CDIN1: variants seen among roughly 807,000 people sequenced by gnomAD.
CDIN1 encodes CDAN1 interacting nuclease 1, also known as CDAN1-interacting nuclease 1.
CDIN1 carries 33 observed loss-of-function variants against 45.3 expected under a neutral mutation model. The observed-to-expected ratio is 0.73, with a 90% CI of 0.55 to 0.97. The LOEUF is 0.97. Ranked by LOEUF, CDIN1 falls within the 50% of genes least tolerant of loss-of-function variation. The pLI, the probability that CDIN1 is intolerant of heterozygous loss-of-function variation, is 0.00. For synonymous variants in CDIN1, 118 were observed against 124.4 expected (o/e 0.95, Z 0.34); for missense variants, 303 against 339.4 (o/e 0.89, Z 0.84).
chr15:36,740,889 CAAA>C (rs201052730), intron 10 of CDIN1, among the ~76,000 whole-genome samples: 2 of 126,236 alleles, frequency 1.6e-5, no homozygotes, highest in East Asian at 2.3e-4. Flanking sequence ...GACTCCATCT[CAAA>C]AAAAAAAAAA....
chr15:36,634,671 T>C (rs185865808), intron 1 of CDIN1, among the ~76,000 whole-genome samples: 273 of 152,334 alleles, frequency 1.8e-3, no homozygotes, highest in African/African-American at 5.9e-3. Flanking sequence ...TAAGGAGGGT[T>C]TGTTTGTTGT....
At chr15:36,671,357 A>C (rs2041442882) in intron 5 of CDIN1, among the ~76,000 whole-genome samples, 1 of 152,186 alleles carries the variant, frequency 6.6e-6, no homozygotes, top group African/African-American at 2.4e-5. Flanking sequence ...CTTTAGCAAA[A>C]GTATGAAAGG....
At chr15:36,664,729 A>G (rs113929762) in intron 5 of CDIN1, among the ~76,000 whole-genome samples, 1,824 of 151,738 alleles carry the variant, frequency 0.012, 41 homozygotes, top group African/African-American at 0.042. Context: ...TGTGTTTTTA[A>G]TAGAGACGGG....
chr15:36,767,335 A>T (rs1702877656), intron 10 of CDIN1, among the ~76,000 whole-genome samples: 1 of 152,170 alleles, frequency 6.6e-6, no homozygotes, highest in South Asian at 2.1e-4. Flanking sequence ...TTCCTGAGTC[A>T]GATCTGAGCA....
At chr15:36,589,170 T>C (rs1002088176) in intron 1 of CDIN1, among the ~76,000 whole-genome samples, 1 of 152,210 alleles carries the variant, frequency 6.6e-6, no homozygotes, top group Non-Finnish European at 1.5e-5. Flanking sequence ...CCATTGTTTT[T>C]ATTACACATT....
chr15:36,716,561 T>TA (rs1487907179), intron 10 of CDIN1, among the ~76,000 whole-genome samples: 14 of 152,202 alleles, frequency 9.2e-5, no homozygotes, highest in Non-Finnish European at 1.2e-4. Flanking sequence ...TACTGTGTGT[T>TA]AAAATCACAT....
At chr15:36,739,433 A>G (rs2044152212) in intron 10 of CDIN1, among the ~76,000 whole-genome samples, 1 of 152,074 alleles carries the variant, frequency 6.6e-6, no homozygotes, top group Non-Finnish European at 1.5e-5. Flanking sequence ...AAACAAAACA[A>G]AACAAAACAA....
chr15:36,623,044 T>C (rs1239114917), intron 1 of CDIN1, among the ~76,000 whole-genome samples: 1 of 152,236 alleles, frequency 6.6e-6, no homozygotes. Flanking sequence ...ATGTAAGCTG[T>C]GGTTCTATAA....
intron 10 of CDIN1, among the ~76,000 whole-genome samples, chr15:36,764,975 G>C (rs934367087): frequency 2.0e-5 from 3 of 151,942 alleles, no homozygotes; most frequent in Non-Finnish European, 4.4e-5. Flanking sequence ...AGGAATCTAG[G>C]TTCCTGCTGA....
At chr15:36,648,121 G>C (rs1479049677) in intron 3 of CDIN1, among the ~76,000 whole-genome samples, 2 of 152,152 alleles carry the variant, frequency 1.3e-5, no homozygotes, top group Non-Finnish European at 2.9e-5. Context: ...TTACAGGCGT[G>C]AGCCACCGTG....
chr15:36,626,172 C>T (rs2039414112), intron 1 of CDIN1, among the ~76,000 whole-genome samples: 1 of 149,492 alleles, frequency 6.7e-6, no homozygotes, highest in African/African-American at 2.5e-5. Context: ...TTATTTAAGC[C>T]CCTGTTCATT....
At chr15:36,621,677 T>G (rs1177124552) in intron 1 of CDIN1, among the ~76,000 whole-genome samples, 5 of 152,204 alleles carry the variant, frequency 3.3e-5, no homozygotes, top group African/African-American at 9.6e-5. Flanking sequence ...ATTTTAAGTG[T>G]TAACATCCTT....
rs536983953 is a variant in CDIN1 at position 36,714,096 on chromosome 15, A to C, written c.716+4135A>C. Among the ~76,000 whole-genome samples, 160 of 152,332 alleles carry C rather than the reference A, an allele frequency of 1.1e-3. 1 individual carries two copies. The highest frequency in any genetic ancestry group is 3.6e-3 in the African/African-American group (150 of 41,586). ...CATTGTGACATTAAGCCTTAGTACA[A>C]TCAAATTTTTTTCTTTGAGAATTCA... On this transcript the variant is annotated intron_variant, in intron 10 of 10. Transcript: ENST00000566621.
chr15:36,650,994 C>T (rs931544614), intron 3 of CDIN1, among the ~76,000 whole-genome samples: 6 of 151,484 alleles, frequency 4.0e-5, no homozygotes, highest in South Asian at 2.1e-4. Flanking sequence ...ACCCAGGAGG[C>T]GAAGGTTGCA....
At chr15:36,780,696 A>T (rs1275865325) in intron 10 of CDIN1, among the ~76,000 whole-genome samples, 3 of 152,222 alleles carry the variant, frequency 2.0e-5, no homozygotes, top group African/African-American at 7.2e-5. Context: ...TTTTATAATT[A>T]TTAATTCTAT....
At position 36,672,631 on chromosome 15, in the gene CDIN1, C is replaced by G. The variant is rs959864268; in HGVS notation, c.346+14726C>G. Among the ~76,000 whole-genome samples the G allele has an allele frequency of 2.0e-5, 3 of 151,824 alleles. No individual in the cohort carries two copies. In the South Asian group the frequency reaches 6.3e-4, roughly 32 times the overall value. Reference sequence around the variant, plus strand: ...CGATTTGGTTGGGGTGGGGGGAGGTCTCAAATTCAATTAAGCAAGGAAGTA... The same window carrying G: ...CGATTTGGTTGGGGTGGGGGGAGGTGTCAAATTCAATTAAGCAAGGAAGTA... On this transcript the variant is annotated intron_variant, in intron 5 of 10. Transcript: ENST00000566621.
At chr15:36,773,373 C>T (rs1431616194) in intron 10 of CDIN1, among the ~76,000 whole-genome samples, 1 of 152,206 alleles carries the variant, frequency 6.6e-6, no homozygotes, top group Non-Finnish European at 1.5e-5. Flanking sequence ...TAATCACTAG[C>T]CTTATATTGC....
At position 36,579,769 on chromosome 15, in the gene CDIN1, C is replaced by G. The variant is rs1012220467; in HGVS notation, c.-92C>G. 9.5e-7 allele frequency: 1 copy of G among 1,055,228 alleles called. No individual in the cohort carries two copies. The highest frequency in any genetic ancestry group is 1.4e-6 in the Non-Finnish European group (1 of 722,054). 65.4% of individuals were successfully genotyped at this position (1,055,228 alleles called of 1,614,324 possible). On this transcript the variant is annotated 5_prime_UTR_variant, in exon 1 of 11. Coordinates refer to ENST00000566621, the MANE Select transcript of CDIN1 (RefSeq NM_001321759.2). ...CAGGCGAGGACCCGGGCCTGTGCCGCTTTGCCTACCCCTCATCCCTCGGCA... is the reference window on the plus strand; with the variant it reads ...CAGGCGAGGACCCGGGCCTGTGCCGGTTTGCCTACCCCTCATCCCTCGGCA...
Position 36,657,891 on chromosome 15 carries a change from A to G in CDIN1, c.332A>G (p.His111Arg). The G allele has an allele frequency of 6.2e-7, 1 of 1,611,846 alleles. No individual in the cohort carries two copies. The highest frequency in any genetic ancestry group is 8.5e-7 in the Non-Finnish European group (1 of 1,178,878). Residue 111 changes from histidine to arginine, a missense_variant, in exon 5 of 11, where the codon CAC (histidine) becomes CGC (arginine). His to Arg is a conservative substitution (Grantham distance 29). Transcript: ENST00000566621. ...ATACTGGAGAGGTTTCTACAGGAAC[A>G]CGAGGAAACTCCACGTGAGTTACCC... is the stretch of plus-strand genomic sequence containing the variant. ...RLILERFLQE[H>R]EETPPSKSII...
Sources: gnomAD v4.1 joint callset for allele counts (sites outside exome capture counted in the v4.1 genomes callset) on GRCh38, gnomAD v4.1.1 for gene constraint, MANE v1.5 for transcripts, NCBI Gene and HGNC (gene_info 2026-07-23, HGNC 2026-07-21) for gene names.